Variants in TMEM62 observed in about 807,000 individuals in gnomAD.
TMEM62 encodes transmembrane protein 62.
In TMEM62, 41 loss-of-function variants were observed where a neutral mutation model predicts 70.4. The observed-to-expected ratio is 0.58, with a 90% CI of 0.45 to 0.76. TMEM62 has a LOEUF of 0.76. TMEM62 is among the 30% of genes least tolerant of loss of function. The pLI, the probability that TMEM62 is intolerant of heterozygous loss-of-function variation, is 0.00. For synonymous variants in TMEM62, 268 were observed against 291.0 expected (o/e 0.92, Z 0.80); for missense variants, 688 against 788.5 (o/e 0.87, Z 1.53).
chr15:43,160,806 C>G lies in TMEM62; in HGVS notation c.1296+12C>G. The G allele has an allele frequency of 6.9e-7, 1 of 1,439,312 alleles. No homozygotes were observed. Among genetic ancestry groups the G allele is most frequent in the Non-Finnish European group, 9.7e-7 (1 of 1,032,488 alleles). The allele number at this position is 1,439,312 out of a possible 1,614,324, so 89.2% of individuals were successfully genotyped here. On this transcript the variant is annotated intron_variant, in intron 10 of 13. Coordinates refer to ENST00000260403, the MANE Select transcript of TMEM62 (RefSeq NM_024956.4). The stretch of plus-strand genomic sequence containing the variant: ...ATCACTACATCATGGTAAGTGAATT[C>G]AATTAAATATTACATATGTTAAATG...
intron 9 of TMEM62, among the ~76,000 whole-genome samples, chr15:43,156,692 A>G (rs2038085628): frequency 6.6e-6 from 1 of 152,216 alleles, no homozygotes; most frequent in Non-Finnish European, 1.5e-5. Context: ...CCTTAGTAAA[A>G]ATGTAAAATC....
chr15:43,170,685 G>C (rs1199348404), intron 11 of TMEM62, among the ~76,000 whole-genome samples: 1 of 152,206 alleles, frequency 6.6e-6, no homozygotes, highest in African/African-American at 2.4e-5. Context: ...CCTTCCTGAA[G>C]TGTGATTGCT....
Position 43,171,658 on chromosome 15 carries a change from C to T in TMEM62, c.1381+1981C>T, listed in dbSNP as rs779264819. On this transcript the variant is annotated intron_variant, in intron 11 of 13. Transcript: ENST00000260403. ...TTTGTGTGTGTGTGACCTGGAATTT[C>T]GCTCTGTCCCCCAGGCTGGAGTGCA... Among the ~76,000 whole-genome samples the T allele has an allele frequency of 8.2e-5, 9 of 110,124 alleles. No individual in the cohort carries two copies. In the East Asian group the frequency reaches 1.1e-3, roughly 13 times the overall value. 72.2% of individuals were successfully genotyped at this position (110,124 alleles called of 152,430 possible). A position where few individuals can be genotyped will look rare whatever the true frequency, so the allele number is the denominator to read the frequency against.
chr15:43,184,467 T>C lies in TMEM62; in HGVS notation c.1813T>C (p.Ser605Pro). ...ATYGTLAFLF[S>P]PLRTWLTLLT... ...ATACGGCACCCTAGCTTTTTTATTC[T>C]CCCCTTTGCGGACCTGGTTGACACT... Residue 605 changes from serine (S) to proline (P), a missense_variant, in exon 14 of 14, where the codon TCC (serine) becomes CCC (proline). Ser to Pro is a moderately conservative substitution (Grantham distance 74, BLOSUM62 -1). Coordinates refer to ENST00000260403, the MANE Select transcript of TMEM62 (RefSeq NM_024956.4). 1 of 1,614,208 alleles carries C rather than the reference T, an allele frequency of 6.2e-7. No homozygotes were observed. The highest frequency in any genetic ancestry group is 8.5e-7 in the Non-Finnish European group (1 of 1,180,042).
At position 43,135,668 on chromosome 15, in the gene TMEM62, A is replaced by T. The variant is rs766340105; in HGVS notation, c.430+19A>T. On this transcript the variant is annotated intron_variant, in intron 3 of 13. Coordinates refer to ENST00000260403, the MANE Select transcript of TMEM62 (RefSeq NM_024956.4). ...AATCATGGTAAGAGCCAAGAGCCAG[A>T]TACAATAAAGACAAGAGTTTTTTTC... is the stretch of plus-strand genomic sequence containing the variant. 6.4e-7 allele frequency: 1 copy of T among 1,568,756 alleles called. No individual in the cohort carries two copies. Among genetic ancestry groups the T allele is most frequent in the African/African-American group, 1.4e-5 (1 of 72,574 alleles).
Position 43,133,895 on chromosome 15 carries a change from G to C in TMEM62, c.93G>C (p.Gln31His). ...TGGAGCACTACGGCCTGGCGGGCCA[G>C]CCCTCGCCGCTGCCGCGCCCCGCGC... ...MLLEHYGLAGQPSPLPRPAPP... is the reference protein window; with the variant it reads ...MLLEHYGLAGHPSPLPRPAPP... Residue 31 changes from glutamine (Q) to histidine (H), a missense_variant, in exon 1 of 14, where the codon CAG becomes CAC. Coordinates refer to ENST00000260403, the MANE Select transcript of TMEM62 (RefSeq NM_024956.4). The C allele has an allele frequency of 6.7e-7, 1 of 1,500,624 alleles. No individual in the cohort carries two copies. Among genetic ancestry groups the C allele is most frequent in the Non-Finnish European group, 8.8e-7 (1 of 1,132,812 alleles). The allele number at this position is 1,500,624 out of a possible 1,614,324, so 93.0% of individuals were successfully genotyped here.
chr15:43,160,528 G>C, intron 9 of TMEM62, 153 bp from the exon 10 acceptor site: 1 of 576,316 alleles, frequency 1.7e-6, no homozygotes, highest in Admixed American at 3.2e-5. Context: ...CTGGACAACA[G>C]AGAGAAACCT....
At chr15:43,177,145 TA>T (rs1596352531) in intron 11 of TMEM62, among the ~76,000 whole-genome samples, 1 of 151,818 alleles carries the variant, frequency 6.6e-6, no homozygotes, top group East Asian at 1.9e-4. Flanking sequence ...GAAAAAAGAA[TA>T]AAAAGAAACG....
intron 12 of TMEM62, among the ~76,000 whole-genome samples, chr15:43,179,337 A>C (rs1302013848): frequency 6.6e-6 from 1 of 152,214 alleles, no homozygotes; most frequent in Non-Finnish European, 1.5e-5. Context: ...CAGCTCAAAA[A>C]AGAGAGAAAC....
chr15:43,184,156 C>A (rs551112057), intron 13 of TMEM62, 104 bp from the exon 14 acceptor site: 9 of 1,064,838 alleles, frequency 8.5e-6, no homozygotes, highest in African/African-American at 4.7e-5. Context: ...TTAGCTAACG[C>A]CAAGACAGAT....
intron 10 of TMEM62, among the ~76,000 whole-genome samples, chr15:43,167,207 CG>C (rs1318624647): frequency 2.7e-5 from 4 of 150,192 alleles, no homozygotes; most frequent in South Asian, 2.1e-4. Flanking sequence ...GCTGGCCGGG[CG>C]GGGGGCTGAC....
rs766217146 is a variant in TMEM62, at chr15:43,178,666, A to G, written c.1441A>G (p.Ile481Val). The G allele has an allele frequency of 2.5e-6, 4 of 1,612,998 alleles. No individual in the cohort carries two copies. The highest frequency in any genetic ancestry group is 2.5e-6 in the Non-Finnish European group (3 of 1,179,214). Residue 481 changes from isoleucine (I) to valine (V), a missense_variant, in exon 12 of 14, where the codon ATC (isoleucine) becomes GTC (valine). Coordinates refer to ENST00000260403, the MANE Select transcript of TMEM62 (RefSeq NM_024956.4). ...FSLHVLSKIN[I>V]FYYSVLLLTL... ...TCTTCATGTCTTGAGCAAAATAAAC[A>G]TCTTCTACTATTCTGTGTTGTTGTT...
intron 10 of TMEM62, among the ~76,000 whole-genome samples, chr15:43,165,140 A>G (rs2039231572): frequency 6.6e-6 from 1 of 152,084 alleles, no homozygotes; most frequent in South Asian, 2.1e-4. Flanking sequence ...TATTTTTTGA[A>G]TAAACTTCCT....
intron 10 of TMEM62, among the ~76,000 whole-genome samples, chr15:43,164,297 G>GTT (rs1459009643): frequency 6.6e-6 from 1 of 152,154 alleles, no homozygotes; most frequent in African/African-American, 2.4e-5. Context: ...TGATGTTGTG[G>GTT]TTATTATTTT....
intron 8 of TMEM62, among the ~76,000 whole-genome samples, chr15:43,152,805 T>C (rs1417344203): frequency 6.6e-6 from 1 of 152,240 alleles, no homozygotes; most frequent in Non-Finnish European, 1.5e-5. Flanking sequence ...AATATACTTT[T>C]ACAATTTATT....
intron 7 of TMEM62, among the ~76,000 whole-genome samples, chr15:43,149,506 A>AT (rs34518288): frequency 0.54 from 78,323 of 145,376 alleles, 24,450 homozygotes; most frequent in Non-Finnish European, 0.68. Flanking sequence ...AACAAATTAC[A>AT]TTTTTTTTTT....
chr15:43,160,756 CT>C lies in TMEM62; in HGVS notation c.1259del (p.Leu420ArgfsTer20), dbSNP rs1277916346. ...GAATAATCATCTCAGTTTTGATCCCCTGGCATCATTTATTCTCCGTACTGAT... is the reference window on the plus strand; with the variant it reads ...GAATAATCATCTCAGTTTTGATCCCCGGCATCATTTATTCTCCGTACTGAT... ...QENNHLSFDPLASFILRTDHY... is the reference protein window; with the variant it reads ...QENNHLSFDPXASFILRTDHY... On this transcript the variant is annotated frameshift_variant, in exon 10 of 14. Coordinates refer to ENST00000260403, the MANE Select transcript of TMEM62 (RefSeq NM_024956.4). LOFTEE classifies it high-confidence loss of function. 1.3e-5 allele frequency: 21 copies of C among 1,611,876 alleles called. No individual in the cohort carries two copies. Among genetic ancestry groups the C allele is most frequent in the East Asian group, 2.2e-5 (1 of 44,770 alleles).
At chr15:43,135,741 G>A in intron 3 of TMEM62, 92 bp downstream of exon 3, 1 of 1,426,812 alleles carries the variant, frequency 7.0e-7, no homozygotes, top group African/African-American at 1.4e-5. Context: ...AAATTATAAA[G>A]TGGGACATTT....
intron 13 of TMEM62, among the ~76,000 whole-genome samples, chr15:43,182,544 C>T (rs150971016): frequency 0.04 from 6,081 of 151,452 alleles, 383 homozygotes; most frequent in African/African-American, 0.14. Flanking sequence ...ACCTCTGCCT[C>T]CCTAATTCAA....
Sources: allele counts gnomAD v4.1 joint callset (sites outside exome capture counted in the v4.1 genomes callset), GRCh38; gene constraint gnomAD v4.1.1; transcripts MANE v1.5; gene names NCBI Gene and HGNC (gene_info 2026-07-23, HGNC 2026-07-21).